The following FOXP1 variants were observed in gnomAD, a reference collection of about 807,000 sequenced individuals.
The protein encoded by FOXP1 is forkhead box protein P1.
In FOXP1, 15 loss-of-function variants were observed where a neutral mutation model predicts 98.2. The observed-to-expected ratio is 0.15, with a 90% CI of 0.10 to 0.24. The LOEUF (loss-of-function observed/expected upper bound fraction) is 0.24, where lower values mean the gene tolerates loss of function less well. Ranked by LOEUF, FOXP1 falls within the 10% of genes least tolerant of loss-of-function variation. The pLI, the probability that FOXP1 is intolerant of heterozygous loss-of-function variation, is 1.00. For synonymous variants in FOXP1, 371 were observed against 314.5 expected, an observed-to-expected ratio of 1.18 and a Z score of -1.90; for missense variants, 633 against 848.5, an observed-to-expected ratio of 0.75 and a Z score of 3.15.
chr3:71,249,788 C>A (rs1305728066), intron 5 of FOXP1, among the ~76,000 whole-genome samples: 12 of 152,186 alleles, frequency 7.9e-5, no homozygotes, highest in Admixed American at 7.9e-4. Flanking sequence ...GGGGAGAAGA[C>A]AGAAGAATAA....
chr3:71,246,373 G>A (rs921778853), intron 5 of FOXP1, among the ~76,000 whole-genome samples: 2 of 152,084 alleles, frequency 1.3e-5, no homozygotes, highest in Non-Finnish European at 2.9e-5. Context: ...CACAGGCAGG[G>A]GGATAAATGA....
intron 3 of FOXP1, among the ~76,000 whole-genome samples, chr3:71,373,109 A>ATG (rs1436729599): frequency 6.6e-6 from 1 of 152,344 alleles, no homozygotes; most frequent in African/African-American, 2.4e-5. Flanking sequence ...TAAGTATTCT[A>ATG]TGTTAACCAC....
chr3:71,432,864 A>AACT (rs1553882332), intron 3 of FOXP1, among the ~76,000 whole-genome samples: 29 of 148,216 alleles, frequency 2.0e-4, no homozygotes, highest in Non-Finnish European at 3.1e-4. Flanking sequence ...AAAAAAAAAA[A>AACT]AATTAAAAAA....
At chr3:71,252,437 GAA>G (rs2068274384) in intron 5 of FOXP1, among the ~76,000 whole-genome samples, 2 of 152,292 alleles carry the variant, frequency 1.3e-5, no homozygotes, top group South Asian at 2.1e-4. Context: ...AAAGACGAAA[GAA>G]AAGTCACTTC....
chr3:71,215,591 C>A (rs564893209), intron 5 of FOXP1, among the ~76,000 whole-genome samples: 1 of 152,260 alleles, frequency 6.6e-6, no homozygotes, highest in South Asian at 2.1e-4. Flanking sequence ...CTGGAAAATT[C>A]TCAAGTGCAA....
At chr3:71,299,694 G>A (rs1053155399) in intron 5 of FOXP1, 126 bp downstream of exon 5, 1 of 152,494 alleles carries the variant, frequency 6.6e-6, no homozygotes, top group Non-Finnish European at 1.5e-5. Context: ...CACCACATAT[G>A]TCCTTACACG....
chr3:71,292,784 G>C (rs2072894398), intron 5 of FOXP1: 1 of 152,186 alleles, frequency 6.6e-6, no homozygotes, highest in African/African-American at 2.4e-5. Flanking sequence ...AATTTGACAA[G>C]GGCAGAAAGA....
intron 4 of FOXP1, among the ~76,000 whole-genome samples, chr3:71,310,310 T>C (rs138085147): frequency 1.7e-3 from 261 of 152,346 alleles, no homozygotes; most frequent in African/African-American, 6.0e-3. Flanking sequence ...TTATAGCCTG[T>C]TTGTGGGGAT....
intron 4 of FOXP1, among the ~76,000 whole-genome samples, chr3:71,308,798 TGTGTGTGTGG>T (rs1194797420): frequency 1.0e-4 from 12 of 119,124 alleles, no homozygotes; most frequent in Admixed American, 8.0e-4. Context: ...TGTGTGTGTG[TGTGTGTGTGG>T]GTGAGGGGGG....
chr3:71,082,791 G>A (rs537180694), intron 7 of FOXP1, among the ~76,000 whole-genome samples: 5 of 152,166 alleles, frequency 3.3e-5, no homozygotes, highest in East Asian at 1.9e-4. Context: ...TTTATACTGC[G>A]CTCCCAATCC....
chr3:71,255,482 T>G (rs1276671547), intron 5 of FOXP1, among the ~76,000 whole-genome samples: 3 of 152,192 alleles, frequency 2.0e-5, no homozygotes, highest in Non-Finnish European at 4.4e-5. Flanking sequence ...TTTCATACTC[T>G]TAAGTTCTCC....
At chr3:71,500,808 G>A (rs566869998) in intron 2 of FOXP1, among the ~76,000 whole-genome samples, 70 of 152,202 alleles carry the variant, frequency 4.6e-4, no homozygotes, top group Middle Eastern at 3.4e-3. Context: ...TTCCTCCACC[G>A]TGATTCCAAG....
At chr3:71,012,704 T>C (rs1373065307) in intron 12 of FOXP1, among the ~76,000 whole-genome samples, 1 of 152,076 alleles carries the variant, frequency 6.6e-6, no homozygotes, top group Non-Finnish European at 1.5e-5. Flanking sequence ...TAAAGATAGA[T>C]ACAGAGACTG....
At chr3:70,962,038 A>G (rs1279757587) in intron 20 of FOXP1, among the ~76,000 whole-genome samples, 1 of 152,226 alleles carries the variant, frequency 6.6e-6, no homozygotes, top group African/African-American at 2.4e-5. Context: ...AGTTATGCTG[A>G]TGATGATTCC....
intron 6 of FOXP1, among the ~76,000 whole-genome samples, chr3:71,191,848 C>G (rs1317409003): frequency 6.6e-6 from 1 of 152,184 alleles, no homozygotes; most frequent in Non-Finnish European, 1.5e-5. Flanking sequence ...ACGGTTATCA[C>G]TAACATTTTG....
At chr3:71,261,459 C>G (rs2069129786) in intron 5 of FOXP1, among the ~76,000 whole-genome samples, 1 of 151,326 alleles carries the variant, frequency 6.6e-6, no homozygotes, top group South Asian at 2.1e-4. Flanking sequence ...GAAAAACAGA[C>G]TTTTATTTCC....
chr3:71,092,303 T>C (rs1441107038), intron 7 of FOXP1, among the ~76,000 whole-genome samples: 2 of 151,614 alleles, frequency 1.3e-5, no homozygotes, highest in Middle Eastern at 3.2e-3. Context: ...CCTGGTGAGT[T>C]AGGGAGGAGG....
At chr3:71,511,900 T>C (rs1011473472) in intron 2 of FOXP1, among the ~76,000 whole-genome samples, 2 of 152,230 alleles carry the variant, frequency 1.3e-5, no homozygotes, top group Admixed American at 6.5e-5. Context: ...ACATCTTTTT[T>C]GGAAACTAAA....
chr3:70,973,250 C>CCCCGT (rs1229922300), intron 17 of FOXP1, among the ~76,000 whole-genome samples: 1 of 148,276 alleles, frequency 6.7e-6, no homozygotes, highest in Non-Finnish European at 1.5e-5. Context: ...CCCCGCCCCG[C>CCCCGT]CCCGCCCCGG....
Sources: allele counts gnomAD v4.1 joint callset (sites outside exome capture counted in the v4.1 genomes callset), GRCh38; gene constraint gnomAD v4.1.1; transcripts MANE v1.5; gene names NCBI Gene and HGNC (gene_info 2026-07-23, HGNC 2026-07-21).